The following LARGE1 variants were observed in gnomAD, a reference collection of about 807,000 sequenced individuals.
LARGE1 encodes the protein LARGE xylosyl- and glucuronyltransferase 1.
In LARGE1, 43 loss-of-function variants were observed where a neutral mutation model predicts 87.6. That is an observed-to-expected ratio of 0.49 (90% CI 0.38 to 0.63). The LOEUF (loss-of-function observed/expected upper bound fraction) is 0.63, where lower values mean the gene tolerates loss of function less well. Among genes scored for constraint, LARGE1 ranks in the 30% least tolerant of loss-of-function variants. The pLI is 0.00. For synonymous variants in LARGE1, 434 were observed against 394.6 expected (o/e 1.10, Z -1.18); for missense variants, 802 against 1,000.2 (o/e 0.80, Z 2.67).
intron 6 of LARGE1, among the ~76,000 whole-genome samples, chr22:33,496,131 G>A (rs1444144465): frequency 6.6e-6 from 1 of 152,142 alleles, no homozygotes; most frequent in African/African-American, 2.4e-5. Context: ...ATCCAGCATA[G>A]GAGAAAGATG....
At chr22:33,646,732 T>C (rs1192223669) in intron 3 of LARGE1, among the ~76,000 whole-genome samples, 1 of 152,190 alleles carries the variant, frequency 6.6e-6, no homozygotes, top group Non-Finnish European at 1.5e-5. Flanking sequence ...TTTTTTGTTT[T>C]GTTTTGTTTT....
intron 1 of LARGE1, among the ~76,000 whole-genome samples, chr22:33,773,176 C>A (rs116964346): frequency 0.027 from 4,063 of 152,306 alleles, 73 homozygotes; most frequent in Non-Finnish European, 0.045. Flanking sequence ...TGGGGCCACG[C>A]GAGCATCTCT....
intron 6 of LARGE1, among the ~76,000 whole-genome samples, chr22:33,521,658 G>A (rs1204380140): frequency 6.6e-6 from 1 of 152,196 alleles, no homozygotes; most frequent in Non-Finnish European, 1.5e-5. Context: ...ACCGATGTAG[G>A]CAGGGGAAAA....
intron 2 of LARGE1, among the ~76,000 whole-genome samples, chr22:33,751,935 T>C (rs558773862): frequency 3.3e-5 from 5 of 152,200 alleles, no homozygotes; most frequent in African/African-American, 1.2e-4. Context: ...ACCTAATTAC[T>C]ACCAAGCCCA....
intron 1 of LARGE1, among the ~76,000 whole-genome samples, chr22:33,779,807 T>TA (rs1166084551): frequency 1.5e-5 from 2 of 136,698 alleles, no homozygotes; most frequent in Admixed American, 7.2e-5. Context: ...AAAAAAAAAT[T>TA]AAAAAAAGAA....
At chr22:33,885,016 A>C (rs2064805306) in intron 1 of LARGE1, among the ~76,000 whole-genome samples, 1 of 152,244 alleles carries the variant, frequency 6.6e-6, no homozygotes. Context: ...AACTTATTTA[A>C]ATGCTGAGTT....
chr22:33,451,157 T>C (rs80014381), intron 6 of LARGE1, among the ~76,000 whole-genome samples: 5 of 152,196 alleles, frequency 3.3e-5, no homozygotes, highest in African/African-American at 1.2e-4. Context: ...TCCCAACATG[T>C]AAGACACTGC....
intron 3 of LARGE1, among the ~76,000 whole-genome samples, chr22:33,643,120 A>C (rs2080496480): frequency 6.6e-6 from 1 of 152,156 alleles, no homozygotes; most frequent in Non-Finnish European, 1.5e-5. Context: ...TAAAGCACTT[A>C]TTCTAAAATC....
rs190666045 is a variant in LARGE1, at chr22:33,875,037, C to T, written c.-83+44958G>A. Among the ~76,000 whole-genome samples the T allele has an allele frequency of 2.3e-3, 350 of 152,322 alleles. 1 individual carries two copies. Among genetic ancestry groups the T allele is most frequent in the African/African-American group, 7.6e-3 (317 of 41,578 alleles). ...AGTCTAGCTCCAGAGATACACCACT[C>T]CATCTATGAGGTTAGGCCCAGTGGC... On this transcript the variant is annotated intron_variant, in intron 1 of 14. Transcript: ENST00000397394.
At chr22:33,314,474 C>T (rs898774713) in intron 11 of LARGE1, among the ~76,000 whole-genome samples, 3 of 152,180 alleles carry the variant, frequency 2.0e-5, no homozygotes, top group Non-Finnish European at 4.4e-5. Flanking sequence ...TTTATGAAAA[C>T]GTTTTTGCAT....
At chr22:33,543,721 A>G (rs1012433607) in intron 6 of LARGE1, among the ~76,000 whole-genome samples, 5 of 152,234 alleles carry the variant, frequency 3.3e-5, no homozygotes, top group Non-Finnish European at 7.3e-5. Flanking sequence ...CTCCAACACA[A>G]TGTAATCTAA....
intron 10 of LARGE1, among the ~76,000 whole-genome samples, chr22:33,317,733 G>A (rs1936308644): frequency 6.6e-6 from 1 of 152,174 alleles, no homozygotes; most frequent in South Asian, 2.1e-4. Flanking sequence ...ATGTTTTACA[G>A]ATGAAGAACT....
At chr22:33,591,693 T>C (rs527543687) in intron 5 of LARGE1, among the ~76,000 whole-genome samples, 2 of 151,942 alleles carry the variant, frequency 1.3e-5, no homozygotes, top group African/African-American at 4.8e-5. Context: ...TTATTTAGTG[T>C]GTGCTTTTTA....
At chr22:33,289,677 C>T (rs11912015) in intron 12 of LARGE1, among the ~76,000 whole-genome samples, 349 of 152,262 alleles carry the variant, frequency 2.3e-3, no homozygotes, top group African/African-American at 8.3e-3. Context: ...TATGAGATCT[C>T]GGTCTCTAGC....
intron 1 of LARGE1, among the ~76,000 whole-genome samples, chr22:33,820,145 G>A (rs1284574711): frequency 6.6e-6 from 1 of 152,110 alleles, no homozygotes; most frequent in Non-Finnish European, 1.5e-5. Flanking sequence ...CATTCAGCCT[G>A]CTTTAACTAA....
At chr22:33,872,768 C>T (rs938274921) in intron 1 of LARGE1, among the ~76,000 whole-genome samples, 2 of 152,014 alleles carry the variant, frequency 1.3e-5, no homozygotes, top group African/African-American at 4.8e-5. Context: ...GAGGCTGAGG[C>T]GGGTGGATGA....
chr22:33,357,821 G>C (rs750391253), intron 9 of LARGE1, among the ~76,000 whole-genome samples: 1 of 152,086 alleles, frequency 6.6e-6, no homozygotes, highest in Non-Finnish European at 1.5e-5. Flanking sequence ...ATACAAAAAA[G>C]AATAATAGGT....
intron 6 of LARGE1, among the ~76,000 whole-genome samples, chr22:33,446,889 G>C (rs75689026): frequency 0.052 from 7,982 of 152,152 alleles, 250 homozygotes; most frequent in African/African-American, 0.077. Context: ...TCAGAATTGT[G>C]GGTTTTGTTT....
chr22:33,215,789 C>G (rs1925175059), intron 11 of LARGE1, among the ~76,000 whole-genome samples: 1 of 152,134 alleles, frequency 6.6e-6, no homozygotes, highest in African/African-American at 2.4e-5. Flanking sequence ...AATCCCGTCT[C>G]TACTAAAAAT....
Sources: allele counts gnomAD v4.1 joint callset (sites outside exome capture counted in the v4.1 genomes callset), GRCh38; gene constraint gnomAD v4.1.1; transcripts MANE v1.5; gene names NCBI Gene and HGNC (gene_info 2026-07-23, HGNC 2026-07-21).